The following CDH18 variants were observed in gnomAD, a reference collection of about 807,000 sequenced individuals.
CDH18 encodes the protein cadherin 18.
Under a neutral mutation model 67.9 loss-of-function variants are expected in CDH18, and 31 were observed. The observed-to-expected ratio is 0.46, with a 90% CI of 0.34 to 0.62. The LOEUF (loss-of-function observed/expected upper bound fraction) is 0.62. Among genes scored for constraint, CDH18 ranks in the 20% least tolerant of loss-of-function variants. CDH18 has a pLI of 0.01. For synonymous variants in CDH18, 362 were observed against 347.2 expected (o/e 1.04, Z -0.48); for missense variants, 890 against 975.5 (o/e 0.91, Z 1.17).
intron 1 of CDH18, among the ~76,000 whole-genome samples, chr5:20,478,618 C>T (rs541685030): frequency 2.6e-5 from 4 of 152,042 alleles, no homozygotes; most frequent in Non-Finnish European, 4.4e-5. Context: ...CTAAGGTTCC[C>T]GACTCTCGAC....
intron 2 of CDH18, among the ~76,000 whole-genome samples, chr5:20,146,629 A>T (rs895386991): frequency 3.4e-4 from 52 of 151,826 alleles, no homozygotes; most frequent in Non-Finnish European, 6.6e-4. Context: ...AAAAAAAAAA[A>T]AATAAAATAA....
intron 2 of CDH18, among the ~76,000 whole-genome samples, chr5:20,217,759 A>T (rs540752903): frequency 1.3e-5 from 2 of 151,992 alleles, no homozygotes; most frequent in South Asian, 2.1e-4. Context: ...AGACCAAATG[A>T]TTTGTTGCCT....
intron 5 of CDH18, among the ~76,000 whole-genome samples, chr5:19,689,281 G>T (rs1174983417): frequency 6.6e-6 from 1 of 151,924 alleles, no homozygotes; most frequent in Admixed American, 6.6e-5. Context: ...AAAGAGCAGG[G>T]TGTCTTGTTA....
chr5:19,755,462 C>CATATATATATATATATATAT (rs375579381), intron 3 of CDH18, among the ~76,000 whole-genome samples: 4 of 79,254 alleles, frequency 5.0e-5, no homozygotes, highest in Admixed American at 1.9e-4. Flanking sequence ...TATATATACA[C>CATATATATATATATATATAT]ACACACACAC....
intron 7 of CDH18, among the ~76,000 whole-genome samples, chr5:19,573,530 G>C (rs531903561): frequency 6.6e-6 from 1 of 152,118 alleles, no homozygotes; most frequent in Admixed American, 6.5e-5. Context: ...CACCCACCTA[G>C]GCCTCCCAAA....
chr5:20,237,668 A>C (rs1742581378), intron 2 of CDH18, among the ~76,000 whole-genome samples: 1 of 151,964 alleles, frequency 6.6e-6, no homozygotes, highest in Non-Finnish European at 1.5e-5. Context: ...AATAACACTT[A>C]AATAAAATGA....
intron 2 of CDH18, among the ~76,000 whole-genome samples, chr5:19,937,369 G>A (rs1794386872): frequency 6.6e-6 from 1 of 151,404 alleles, no homozygotes; most frequent in African/African-American, 2.4e-5. Flanking sequence ...TGGTGGGGTA[G>A]TGAAGATGTG....
chr5:19,798,773 A>G (rs991747395), intron 3 of CDH18, among the ~76,000 whole-genome samples: 32 of 152,072 alleles, frequency 2.1e-4, no homozygotes, highest in African/African-American at 7.7e-4. Context: ...TCAAATATTG[A>G]TTAAAATATA....
At chr5:19,840,566 G>C (rs1224035239) in intron 2 of CDH18, among the ~76,000 whole-genome samples, 2 of 151,996 alleles carry the variant, frequency 1.3e-5, no homozygotes, top group African/African-American at 4.8e-5. Context: ...GGTGGGCATG[G>C]TGGTGCACGC....
At chr5:19,942,212 C>A (rs1278472265) in intron 2 of CDH18, among the ~76,000 whole-genome samples, 1 of 152,144 alleles carries the variant, frequency 6.6e-6, no homozygotes, top group Non-Finnish European at 1.5e-5. Flanking sequence ...GATACAGACA[C>A]CCTTTTGGAA....
chr5:19,684,623 T>C (rs1369965781), intron 5 of CDH18, among the ~76,000 whole-genome samples: 1 of 151,788 alleles, frequency 6.6e-6, no homozygotes, highest in Non-Finnish European at 1.5e-5. Context: ...TTTTAGATTT[T>C]CTTCAATAAA....
At chr5:20,283,861 T>C (rs538362581) in intron 1 of CDH18, among the ~76,000 whole-genome samples, 2 of 152,114 alleles carry the variant, frequency 1.3e-5, no homozygotes, top group East Asian at 3.9e-4. Flanking sequence ...TAAATTTCCA[T>C]TGACATAAAT....
chr5:20,343,458 A>T (rs1406150994), intron 1 of CDH18, among the ~76,000 whole-genome samples: 1 of 152,166 alleles, frequency 6.6e-6, no homozygotes, highest in African/African-American at 2.4e-5. Context: ...GGACCCCATT[A>T]CATTACCAAC....
At chr5:19,954,378 TA>T (rs796990322) in intron 2 of CDH18, among the ~76,000 whole-genome samples, 34 of 152,106 alleles carry the variant, frequency 2.2e-4, no homozygotes, top group African/African-American at 7.9e-4. Flanking sequence ...ATTTAAGTGG[TA>T]AAAAAGTATA....
intron 2 of CDH18, among the ~76,000 whole-genome samples, chr5:19,846,562 A>T (rs1214987722): frequency 2.6e-5 from 4 of 152,082 alleles, no homozygotes; most frequent in Non-Finnish European, 1.5e-5. Context: ...TTTTCAGCCC[A>T]TTGTGGAGCT....
chr5:20,099,888 G>T (rs1477316637), intron 2 of CDH18, among the ~76,000 whole-genome samples: 1 of 151,974 alleles, frequency 6.6e-6, no homozygotes, highest in Non-Finnish European at 1.5e-5. Context: ...GGTTCAAGCA[G>T]TTCTCATGCC....
intron 1 of CDH18, among the ~76,000 whole-genome samples, chr5:20,408,359 C>A (rs920189952): frequency 2.0e-5 from 3 of 151,814 alleles, no homozygotes; most frequent in Admixed American, 2.0e-4. Flanking sequence ...TAGACAAATA[C>A]AGAATAATGC....
intron 3 of CDH18, among the ~76,000 whole-genome samples, chr5:19,753,080 G>A (rs2149675957): frequency 6.6e-6 from 1 of 152,208 alleles, no homozygotes; most frequent in Non-Finnish European, 1.5e-5. Context: ...CAAATGAGAA[G>A]GAACCAGAAA....
chr5:20,010,994 C>T (rs903378508), intron 2 of CDH18, among the ~76,000 whole-genome samples: 1 of 152,178 alleles, frequency 6.6e-6, no homozygotes, highest in Admixed American at 6.5e-5. Flanking sequence ...TCTTTATCCC[C>T]TGCACGCACA....
Sources: allele counts gnomAD v4.1 joint callset (sites outside exome capture counted in the v4.1 genomes callset), GRCh38; gene constraint gnomAD v4.1.1; transcripts MANE v1.5; gene names NCBI Gene and HGNC (gene_info 2026-07-23, HGNC 2026-07-21).